FAM135B: variants seen among roughly 807,000 people sequenced by gnomAD.
FAM135B encodes the protein protein FAM135B.
Under a neutral mutation model 127.7 loss-of-function variants are expected in FAM135B, and 43 were observed. That is an observed-to-expected ratio of 0.34 (90% CI 0.26 to 0.43). The LOEUF is 0.43. Ranked by LOEUF, FAM135B falls within the 20% of genes least tolerant of loss-of-function variation. The pLI, the probability that FAM135B is intolerant of heterozygous loss-of-function variation, is 1.00. For missense variants in FAM135B, 1,558 were observed against 1,725.6 expected, an observed-to-expected ratio of 0.90 and a Z score of 1.72; for synonymous variants, 670 against 665.1, an observed-to-expected ratio of 1.01 and a Z score of -0.11.
At chr8:138,353,358 T>TGA (rs1829894238) in intron 2 of FAM135B, among the ~76,000 whole-genome samples, 1 of 152,224 alleles carries the variant, frequency 6.6e-6, no homozygotes, top group Non-Finnish European at 1.5e-5. Context: ...TCTTGACTCC[T>TGA]GAGCTGATAT....
intron 1 of FAM135B, among the ~76,000 whole-genome samples, chr8:138,468,052 A>C (rs1457731780): frequency 6.6e-6 from 1 of 152,172 alleles, no homozygotes. Flanking sequence ...GCTGATAAAG[A>C]AAATATGACA....
chr8:138,476,517 C>T (rs1438238928), intron 1 of FAM135B, among the ~76,000 whole-genome samples: 1 of 150,820 alleles, frequency 6.6e-6, no homozygotes, highest in Non-Finnish European at 1.5e-5. Flanking sequence ...CTGAAAACTA[C>T]TCTAAAAAAT....
At chr8:138,426,954 CAAG>C (rs1228282628) in intron 1 of FAM135B, among the ~76,000 whole-genome samples, 2 of 151,882 alleles carry the variant, frequency 1.3e-5, no homozygotes, top group African/African-American at 2.4e-5. Context: ...ACTTATGAGA[CAAG>C]AATTATGATA....
chr8:138,148,426 T>G, intron 14 of FAM135B, 94 bp downstream of exon 14: 1 of 1,012,740 alleles, frequency 9.9e-7, no homozygotes, highest in Non-Finnish European at 1.5e-6. Context: ...AATTGAACAT[T>G]CTGTTGAATG....
intron 1 of FAM135B, among the ~76,000 whole-genome samples, chr8:138,494,836 T>TAAAAAAA (rs112803082): frequency 4.7e-5 from 5 of 105,750 alleles, no homozygotes; most frequent in African/African-American, 5.7e-5. Context: ...GTTTATACTG[T>TAAAAAAA]AAAAAAAAAA....
At chr8:138,280,980 G>A (rs1422689976) in intron 3 of FAM135B, among the ~76,000 whole-genome samples, 4 of 152,116 alleles carry the variant, frequency 2.6e-5, no homozygotes, top group African/African-American at 7.2e-5. Context: ...TCCTCCGGGG[G>A]TGGAGGCTTT....
intron 1 of FAM135B, among the ~76,000 whole-genome samples, chr8:138,477,128 G>A (rs1173941411): frequency 3.9e-5 from 6 of 152,172 alleles, no homozygotes; most frequent in East Asian, 1.9e-4. Flanking sequence ...AAAGGCTCTT[G>A]CTAATGAGGA....
chr8:138,330,845 A>AT (rs1238818859), intron 2 of FAM135B, among the ~76,000 whole-genome samples: 4,087 of 142,762 alleles, frequency 0.029, 188 homozygotes, highest in African/African-American at 0.093. Context: ...ATAAATGTAC[A>AT]TTTTTTTTTT....
rs1279754014 is a variant in FAM135B at position 138,242,054 on chromosome 8, T to C, written c.669+888A>G. Among the ~76,000 whole-genome samples the C allele has an allele frequency of 3.9e-5, 6 of 152,234 alleles. No individual in the cohort carries two copies. The East Asian group carries it at 1.2e-3, about 29-fold the overall frequency. On this transcript the variant is annotated intron_variant, in intron 7 of 19. Transcript: ENST00000395297. This position sits in a 1 kb window ranked among gnomAD's most constrained non-coding sequence, Gnocchi z 9.6. Reference sequence around the variant, plus strand: ...TTCCTGGTTCTGAGGCCTTTAGCCTTGGACTGGAATGATACCACCTGCACT... The same window carrying C: ...TTCCTGGTTCTGAGGCCTTTAGCCTCGGACTGGAATGATACCACCTGCACT...
chr8:138,354,968 G>A (rs551624181), intron 2 of FAM135B, among the ~76,000 whole-genome samples: 12 of 152,000 alleles, frequency 7.9e-5, no homozygotes, highest in South Asian at 2.1e-4. Context: ...CCATTAACTC[G>A]TCATTTACAT....
At chr8:138,370,990 C>T (rs1421075147) in intron 1 of FAM135B, among the ~76,000 whole-genome samples, 12 of 152,182 alleles carry the variant, frequency 7.9e-5, no homozygotes. Context: ...CCTACTCAGT[C>T]AGAAACTCCA....
chr8:138,150,652 GT>G (rs1288898637), intron 13 of FAM135B, among the ~76,000 whole-genome samples: 4 of 150,158 alleles, frequency 2.7e-5, no homozygotes, highest in African/African-American at 9.9e-5. Context: ...TGGCGACAGA[GT>G]GAGACTCTGT....
chr8:138,310,293 T>C (rs887894763), intron 3 of FAM135B, among the ~76,000 whole-genome samples: 5 of 152,220 alleles, frequency 3.3e-5, no homozygotes, highest in Non-Finnish European at 7.3e-5. Flanking sequence ...AAGTTCTCTT[T>C]TTCTGACTCA....
rs141013924 is a variant in FAM135B at position 138,453,694 on chromosome 8, T to G, written c.-20+42977A>C. 4.2e-3 allele frequency among the ~76,000 whole-genome samples: 635 copies of G among 152,218 alleles called. 5 individuals carry two copies. Among genetic ancestry groups the G allele is most frequent in the African/African-American group, 0.015 (617 of 41,522 alleles). On this transcript the variant is annotated intron_variant, in intron 1 of 19. Transcript: ENST00000395297. Reference sequence around the variant, plus strand: ...TCCATATTGCTGTTCTTAGCCCCCTTTTTAGAAATGGTAGAAGATGATTTT... The same window carrying G: ...TCCATATTGCTGTTCTTAGCCCCCTGTTTAGAAATGGTAGAAGATGATTTT...
At chr8:138,447,436 A>C (rs1338889031) in intron 1 of FAM135B, among the ~76,000 whole-genome samples, 15 of 152,216 alleles carry the variant, frequency 9.9e-5, no homozygotes, top group Non-Finnish European at 1.8e-4. Flanking sequence ...CTGGATTAAA[A>C]AAATGTGGCA....
intron 1 of FAM135B, among the ~76,000 whole-genome samples, chr8:138,490,354 G>A (rs745499982): frequency 2.0e-5 from 3 of 152,184 alleles, no homozygotes; most frequent in African/African-American, 4.8e-5. Context: ...TACAGACTGC[G>A]AAGGTCAAGC....
chr8:138,241,190 A>C lies in FAM135B; in HGVS notation c.669+1752T>G, dbSNP rs1158071679. Among the ~76,000 whole-genome samples, 1 of 152,230 alleles carries C rather than the reference A, an allele frequency of 6.6e-6. No homozygotes were observed. The highest frequency in any genetic ancestry group is 1.5e-5 in the Non-Finnish European group (1 of 68,048). On this transcript the variant is annotated intron_variant, in intron 7 of 19. Coordinates refer to ENST00000395297, the MANE Select transcript of FAM135B (RefSeq NM_015912.4). This position sits in a 1 kb window ranked among gnomAD's most constrained non-coding sequence, Gnocchi z 4.8. ...GTAGCAAAGGACCCACAGCAGGGACAGTCCAATGACATGCTACAGGGCTCA... is the reference window on the plus strand; with the variant it reads ...GTAGCAAAGGACCCACAGCAGGGACCGTCCAATGACATGCTACAGGGCTCA...
chr8:138,150,018 T>C (rs549526106), intron 13 of FAM135B, among the ~76,000 whole-genome samples: 1 of 152,226 alleles, frequency 6.6e-6, no homozygotes, highest in South Asian at 2.1e-4. Flanking sequence ...AATCCAATGT[T>C]TACCTGCCTG....
At chr8:138,462,531 G>GT (rs1205050645) in intron 1 of FAM135B, among the ~76,000 whole-genome samples, 1 of 152,106 alleles carries the variant, frequency 6.6e-6, no homozygotes, top group Non-Finnish European at 1.5e-5. Flanking sequence ...GGGTGTGCAG[G>GT]TCCTAGAATG....
Sources: allele counts gnomAD v4.1 joint callset (sites outside exome capture counted in the v4.1 genomes callset), GRCh38; gene constraint gnomAD v4.1.1; non-coding constraint Gnocchi (gnomAD v3.1); transcripts MANE v1.5; gene names NCBI Gene and HGNC (gene_info 2026-07-23, HGNC 2026-07-21).